PTPRK: variants seen among roughly 807,000 people sequenced by gnomAD.
The protein encoded by PTPRK is receptor-type tyrosine-protein phosphatase kappa.
In PTPRK, 75 loss-of-function variants were observed where a neutral mutation model predicts 178.0. The observed-to-expected ratio is 0.42, with a 90% CI of 0.35 to 0.51. PTPRK has a LOEUF of 0.51. Ranked by LOEUF, PTPRK falls within the 20% of genes least tolerant of loss-of-function variation. The probability of loss-of-function intolerance (pLI) is 0.02; values close to 1 mark genes in which losing one functional copy is unlikely to be tolerated. For missense variants in PTPRK, 1,441 were observed against 1,797.8 expected, an observed-to-expected ratio of 0.80 and a Z score of 3.59; for synonymous variants, 637 against 620.6, an observed-to-expected ratio of 1.03 and a Z score of -0.39.
chr6:128,292,237 A>G (rs997024927), intron 3 of PTPRK, among the ~76,000 whole-genome samples: 63 of 152,114 alleles, frequency 4.1e-4, no homozygotes, highest in African/African-American at 1.5e-3. Flanking sequence ...TAAGTTTTAG[A>G]TAATTCTGTA....
At chr6:128,073,167 A>G (rs1783139576) in intron 11 of PTPRK, among the ~76,000 whole-genome samples, 3 of 152,152 alleles carry the variant, frequency 2.0e-5, no homozygotes, top group African/African-American at 7.2e-5. Context: ...ATATTTTTAG[A>G]TCCAGTTCAT....
At chr6:128,109,953 T>C (rs1790374801) in intron 7 of PTPRK, among the ~76,000 whole-genome samples, 1 of 152,090 alleles carries the variant, frequency 6.6e-6, no homozygotes, top group East Asian at 1.9e-4. Context: ...TTGCCCTAGC[T>C]GGAAATCAAT....
chr6:128,118,920 T>C (rs1407404368), intron 7 of PTPRK, among the ~76,000 whole-genome samples: 1 of 152,224 alleles, frequency 6.6e-6, no homozygotes, highest in Non-Finnish European at 1.5e-5. Flanking sequence ...AGCACTTTCT[T>C]TCCCATAGAA....
chr6:128,443,465 A>T (rs1041289623), intron 1 of PTPRK, among the ~76,000 whole-genome samples: 3 of 152,172 alleles, frequency 2.0e-5, no homozygotes, highest in Admixed American at 6.5e-5. Context: ...AAGTAAAATT[A>T]TCATATTATA....
chr6:128,295,202 A>G (rs998654627), intron 3 of PTPRK, among the ~76,000 whole-genome samples: 12 of 152,130 alleles, frequency 7.9e-5, no homozygotes, highest in Non-Finnish European at 1.3e-4. Context: ...TAATTTTAAC[A>G]GGTCATAAAG....
intron 5 of PTPRK, among the ~76,000 whole-genome samples, chr6:128,227,632 A>G (rs1811581683): frequency 6.6e-6 from 1 of 152,230 alleles, no homozygotes; most frequent in Non-Finnish European, 1.5e-5. Flanking sequence ...CAAACCCCAC[A>G]TATAGATTTT....
At chr6:128,366,509 G>A (rs1329047457) in intron 2 of PTPRK, among the ~76,000 whole-genome samples, 1 of 152,008 alleles carries the variant, frequency 6.6e-6, no homozygotes, top group Non-Finnish European at 1.5e-5. Flanking sequence ...CCAAGTACTG[G>A]ACTAAAGGGG....
intron 3 of PTPRK, among the ~76,000 whole-genome samples, chr6:128,247,522 T>C (rs1240969672): frequency 2.0e-5 from 3 of 152,070 alleles, no homozygotes; most frequent in Non-Finnish European, 4.4e-5. Context: ...TTTTAACATG[T>C]TGGCTAGGCT....
At chr6:128,505,367 G>A (rs1856176358) in intron 1 of PTPRK, among the ~76,000 whole-genome samples, 1 of 151,584 alleles carries the variant, frequency 6.6e-6, no homozygotes, top group Non-Finnish European at 1.5e-5. Flanking sequence ...CTTGAACCTG[G>A]GAGGCGGAGG....
At chr6:128,333,372 G>T (rs902003821) in intron 2 of PTPRK, among the ~76,000 whole-genome samples, 9 of 152,038 alleles carry the variant, frequency 5.9e-5, no homozygotes, top group African/African-American at 4.8e-5. Context: ...ATTCTACTCG[G>T]TAGTCACATT....
intron 7 of PTPRK, among the ~76,000 whole-genome samples, chr6:128,165,861 A>G (rs1408877807): frequency 1.3e-5 from 2 of 151,648 alleles, no homozygotes; most frequent in Non-Finnish European, 3.0e-5. Context: ...GTAGTTCAAT[A>G]GTTAAGTGAA....
At chr6:128,351,267 T>C (rs1313696648) in intron 2 of PTPRK, among the ~76,000 whole-genome samples, 1 of 152,156 alleles carries the variant, frequency 6.6e-6, no homozygotes, top group African/African-American at 2.4e-5. Flanking sequence ...TAAATCCACA[T>C]CAACAGTATT....
At chr6:128,119,125 A>G (rs963070558) in intron 7 of PTPRK, among the ~76,000 whole-genome samples, 10 of 152,194 alleles carry the variant, frequency 6.6e-5, no homozygotes, top group Non-Finnish European at 1.5e-5. Flanking sequence ...TAATCTAGTA[A>G]TTAAATGGAA....
chr6:128,270,632 C>T (rs1252677287), intron 3 of PTPRK, among the ~76,000 whole-genome samples: 1 of 152,090 alleles, frequency 6.6e-6, no homozygotes, highest in Non-Finnish European at 1.5e-5. Flanking sequence ...AATACAGATA[C>T]TAGCAATGTC....
chr6:128,070,542 T>C (rs1396264297), intron 11 of PTPRK, among the ~76,000 whole-genome samples: 1 of 151,898 alleles, frequency 6.6e-6, no homozygotes, highest in African/African-American at 2.4e-5. Flanking sequence ...GACACATAAA[T>C]ACAAAAAGAC....
At chr6:128,307,995 TACC>T (rs1481395791) in intron 3 of PTPRK, among the ~76,000 whole-genome samples, 1 of 152,126 alleles carries the variant, frequency 6.6e-6, no homozygotes, top group East Asian at 1.9e-4. Context: ...TTAAAAATAT[TACC>T]ACTAGAAAAC....
intron 2 of PTPRK, among the ~76,000 whole-genome samples, chr6:128,377,923 ATTCT>A (rs1393559796): frequency 2.0e-5 from 3 of 152,122 alleles, no homozygotes; most frequent in Admixed American, 6.6e-5. Context: ...ACACATTAGA[ATTCT>A]TTCTTTCTTA....
chr6:128,105,421 C>CCG (rs1414884674), intron 7 of PTPRK, among the ~76,000 whole-genome samples: 6 of 152,182 alleles, frequency 3.9e-5, no homozygotes, highest in Non-Finnish European at 5.9e-5. Flanking sequence ...GCGTGAGCCA[C>CCG]CGCACCCGGC....
Position 128,227,824 on chromosome 6 carries a change from T to A in PTPRK, c.694-8728A>T, listed in dbSNP as rs184377630. Among the ~76,000 whole-genome samples, 976 of 151,878 alleles carry A rather than the reference T, an allele frequency of 6.4e-3. 13 individuals are homozygous for A. The highest frequency in any genetic ancestry group is 0.021 in the African/African-American group (885 of 41,398). On this transcript the variant is annotated intron_variant, in intron 5 of 29. Transcript: ENST00000368226. Reference sequence around the variant, plus strand: ...AAACTTAAACAACAAAACTCAGAAATGAAATGACAATTAAGGAAAATTAGA... The same window carrying A: ...AAACTTAAACAACAAAACTCAGAAAAGAAATGACAATTAAGGAAAATTAGA...
Sources: allele counts gnomAD v4.1 joint callset (sites outside exome capture counted in the v4.1 genomes callset), GRCh38; gene constraint gnomAD v4.1.1; transcripts MANE v1.5; gene names NCBI Gene and HGNC (gene_info 2026-07-23, HGNC 2026-07-21).